ANO3: variants seen among roughly 807,000 people sequenced by gnomAD.
ANO3 encodes anoctamin 3.
ANO3 carries 99 observed loss-of-function variants against 144.8 expected under a neutral mutation model. The ratio of observed to expected loss-of-function variants is 0.68; its 90% CI spans 0.58 to 0.81. The LOEUF (loss-of-function observed/expected upper bound fraction) is 0.81, where lower values mean the gene tolerates loss of function less well. Among genes scored for constraint, ANO3 ranks in the 30% least tolerant of loss-of-function variants. The pLI, the probability that ANO3 is intolerant of heterozygous loss-of-function variation, is 0.00. For synonymous variants in ANO3, 414 were observed against 392.6 expected (o/e 1.05, Z -0.64); for missense variants, 905 against 1,202.2 (o/e 0.75, Z 3.66).
intron 1 of ANO3, among the ~76,000 whole-genome samples, chr11:26,210,576 T>C (rs1475025335): frequency 6.6e-6 from 1 of 152,212 alleles, no homozygotes; most frequent in Admixed American, 6.5e-5. Context: ...CTTTGGGCAG[T>C]ATGGCCATTT....
At chr11:26,644,156 CTT>C (rs1189422705) in intron 23 of ANO3, among the ~76,000 whole-genome samples, 3 of 152,128 alleles carry the variant, frequency 2.0e-5, no homozygotes, top group African/African-American at 7.2e-5. Flanking sequence ...CGTAACAAAA[CTT>C]AACATTTTTA....
At chr11:26,512,160 G>A (rs1009048141) in intron 5 of ANO3, among the ~76,000 whole-genome samples, 4 of 152,166 alleles carry the variant, frequency 2.6e-5, no homozygotes, top group African/African-American at 7.2e-5. Flanking sequence ...AGCAATTTGT[G>A]TTTCTCTTAG....
chr11:26,539,812 T>A (rs886223239), intron 10 of ANO3, among the ~76,000 whole-genome samples: 1 of 152,216 alleles, frequency 6.6e-6, no homozygotes, highest in Non-Finnish European at 1.5e-5. Context: ...TTTATAGGTA[T>A]TATCTAAGTT....
intron 17 of ANO3, among the ~76,000 whole-genome samples, chr11:26,602,036 C>A (rs1851811801): frequency 6.6e-6 from 1 of 152,102 alleles, no homozygotes. Flanking sequence ...TCATCTATTG[C>A]ACGTGAAATG....
chr11:26,355,499 A>G (rs1432571626), intron 1 of ANO3, among the ~76,000 whole-genome samples: 2 of 149,552 alleles, frequency 1.3e-5, no homozygotes, highest in African/African-American at 4.9e-5. Context: ...ATTCATCCAC[A>G]ACCGTTCTAC....
rs374045984 is a variant in ANO3, at chr11:26,640,918, C to T, written c.2142-978C>T. Among the ~76,000 whole-genome samples, 9 of 152,250 alleles carry T rather than the reference C, an allele frequency of 5.9e-5. 1 individual carries two copies. In the East Asian group the frequency reaches 1.4e-3, roughly 23 times the overall value. On this transcript the variant is annotated intron_variant, in intron 21 of 26. Transcript: ENST00000256737. The stretch of plus-strand genomic sequence containing the variant: ...CAACTCTCACCTCCAGCCCCTTTTT[C>T]ACCTTCATGAGGCTCTGGAGGCAAC...
chr11:26,290,544 T>C (rs1334038511), intron 1 of ANO3, among the ~76,000 whole-genome samples: 1 of 152,232 alleles, frequency 6.6e-6, no homozygotes, highest in Non-Finnish European at 1.5e-5. Flanking sequence ...CTTGTGTACA[T>C]TTAGTGCTAT....
chr11:26,415,539 G>T (rs1234534151), intron 1 of ANO3, among the ~76,000 whole-genome samples: 1 of 152,040 alleles, frequency 6.6e-6, no homozygotes, highest in Non-Finnish European at 1.5e-5. Flanking sequence ...ACAGTCTTTT[G>T]AATCTAGGCT....
intron 1 of ANO3, among the ~76,000 whole-genome samples, chr11:26,335,248 T>C (rs2133892662): frequency 6.6e-6 from 1 of 152,312 alleles, no homozygotes; most frequent in East Asian, 1.9e-4. Context: ...CTTGCAGAGT[T>C]ATAAGGTGTT....
chr11:26,347,441 C>T (rs1855525191), intron 1 of ANO3, among the ~76,000 whole-genome samples: 1 of 152,210 alleles, frequency 6.6e-6, no homozygotes, highest in Non-Finnish European at 1.5e-5. Flanking sequence ...TATCTGTGTT[C>T]CAGCTGATCA....
chr11:26,437,904 G>A (rs1295998710), intron 1 of ANO3, among the ~76,000 whole-genome samples: 1 of 152,148 alleles, frequency 6.6e-6, no homozygotes, highest in African/African-American at 2.4e-5. Context: ...TCAAGACAAA[G>A]TATGTTTTGT....
At chr11:26,472,441 TTAGATGGC>T (rs1268067284) in intron 4 of ANO3, among the ~76,000 whole-genome samples, 1 of 151,942 alleles carries the variant, frequency 6.6e-6, no homozygotes, top group Non-Finnish European at 1.5e-5. Context: ...AAATGAAGGC[TTAGATGGC>T]TACGTAACTT....
intron 24 of ANO3, among the ~76,000 whole-genome samples, chr11:26,651,027 G>C (rs1431366758): frequency 6.6e-6 from 1 of 152,208 alleles, no homozygotes; most frequent in Middle Eastern, 3.4e-3. Flanking sequence ...GATAACTTTT[G>C]TTTACCACTT....
chr11:26,595,460 G>GTTGTTTTT (rs1301892343), intron 14 of ANO3, among the ~76,000 whole-genome samples: 41 of 101,384 alleles, frequency 4.0e-4, no homozygotes, highest in African/African-American at 1.5e-3. Flanking sequence ...AGATAGAGTT[G>GTTGTTTTT]TTTTTTTTTT....
At chr11:26,420,729 T>C (rs909302922) in intron 1 of ANO3, among the ~76,000 whole-genome samples, 3 of 152,054 alleles carry the variant, frequency 2.0e-5, no homozygotes, top group East Asian at 3.9e-4. Context: ...TTGTTAGTTG[T>C]AGGAAGCTTC....
chr11:26,195,810 CAGG>C (rs1458762549), intron 1 of ANO3, among the ~76,000 whole-genome samples: 2 of 152,282 alleles, frequency 1.3e-5, no homozygotes, highest in East Asian at 3.9e-4. Context: ...AGCTCAGACA[CAGG>C]AGATTTTAGA....
At chr11:26,332,019 C>G, upstream of ANO3, 1 of 1,127,994 alleles carries the variant, frequency 8.9e-7, no homozygotes, top group Non-Finnish European at 1.2e-6. Context: ...CACTGTGGCA[C>G]TGGACGCGCG....
chr11:26,215,425 CCTTTGAA>C (rs1852017196), intron 1 of ANO3, among the ~76,000 whole-genome samples: 1 of 151,916 alleles, frequency 6.6e-6, no homozygotes, highest in South Asian at 2.1e-4. Context: ...CTCCGTTGTC[CCTTTGAA>C]CTGCCACTAT....
At chr11:26,461,848 GA>G (rs1371218112) in intron 3 of ANO3, among the ~76,000 whole-genome samples, 1 of 151,952 alleles carries the variant, frequency 6.6e-6, no homozygotes, top group Non-Finnish European at 1.5e-5. Context: ...CAGAATGAAA[GA>G]AAATAATACA....
Sources: gnomAD v4.1 joint callset for allele counts (sites outside exome capture counted in the v4.1 genomes callset) on GRCh38, gnomAD v4.1.1 for gene constraint, MANE v1.5 for transcripts, NCBI Gene and HGNC (gene_info 2026-07-23, HGNC 2026-07-21) for gene names.